Variants in C3orf49 observed in about 807,000 individuals in gnomAD.
C3orf49 encodes chromosome 3 open reading frame 49.
Under a neutral mutation model 13.3 loss-of-function variants are expected in C3orf49, and 27 were observed. The observed-to-expected ratio is 2.02, with a 90% CI of 1.49 to 2.79. The LOEUF (loss-of-function observed/expected upper bound fraction) is 2.79. Ranked by LOEUF, C3orf49 falls within the 30% of genes most tolerant of loss-of-function variation. The probability of loss-of-function intolerance (pLI) is 0.00; values close to 1 mark genes in which losing one functional copy is unlikely to be tolerated. For synonymous variants in C3orf49, 87 were observed against 47.6 expected (o/e 1.83, Z -3.40); for missense variants, 242 against 134.2 (o/e 1.80, Z -3.97).
At chr3:63,794,942 A>C in the C3orf49 span, among the ~76,000 whole-genome samples, 1 of 151,914 alleles carries the variant, frequency 6.6e-6, no homozygotes, top group South Asian at 2.1e-4. Flanking sequence ...CAAACCCCCC[A>C]CCTTTTCTGC....
At chr3:63,789,102 G>A in the C3orf49 span, among the ~76,000 whole-genome samples, 2 of 152,136 alleles carry the variant, frequency 1.3e-5, no homozygotes, top group Admixed American at 6.5e-5. Context: ...GATGGGCGGC[G>A]GGCGAGCGGG....
At chr3:63,814,746 C>T (rs949906467), upstream of C3orf49, among the ~76,000 whole-genome samples, 1 of 152,096 alleles carries the variant, frequency 6.6e-6, no homozygotes, top group African/African-American at 2.4e-5. Flanking sequence ...TTCCACTGTT[C>T]CCCCTTTAGT....
chr3:63,823,254 C>T lies in C3orf49; in HGVS notation c.130C>T (p.His44Tyr), dbSNP rs1218227206. Residue 44 changes from histidine to tyrosine, a missense_variant, in exon 2 of 7, where the codon CAT (histidine) becomes TAT (tyrosine). His to Tyr is a moderately conservative substitution (Grantham distance 83). Coordinates refer to ENST00000295896, the MANE Select transcript of C3orf49 (RefSeq NM_001355236.2). ...AACCATTTTTATTTTGTTTAGATGG[C>T]ATAGAGCTGTGTCTACCAACTTACT... ...SFKRKGIERW[H>Y]RAVSTNLLKQ... 1 of 700,754 alleles carries T rather than the reference C, an allele frequency of 1.4e-6. No individual in the cohort carries two copies. Among genetic ancestry groups the T allele is most frequent in the East Asian group, 2.7e-5 (1 of 37,260 alleles). The allele number at this position is 700,754 out of a possible 1,614,324, so 43.4% of individuals were successfully genotyped here.
chr3:63,786,520 A>G, the C3orf49 span, among the ~76,000 whole-genome samples: 36,571 of 152,082 alleles, frequency 0.24, 4,316 homozygotes, highest in East Asian at 0.3. Context: ...TGATGGAAAG[A>G]ATGGGCTTTT....
chr3:63,823,479 T>C lies in C3orf49; in HGVS notation c.355T>C (p.Ser119Pro). Residue 119 changes from serine (S) to proline (P), a missense_variant, in exon 2 of 7, where the codon TCA becomes CCA. By Grantham distance (74) the Ser-to-Pro change is moderately conservative. Coordinates refer to ENST00000295896, the MANE Select transcript of C3orf49 (RefSeq NM_001355236.2). ...GSTDHKEALL[S>P]NTQSLLPRIV... Reference sequence around the variant, plus strand: ...CACTGACCATAAAGAAGCCCTCCTGTCAAACACGCAGAGCCTTCTCCCTAG... The same window carrying C: ...CACTGACCATAAAGAAGCCCTCCTGCCAAACACGCAGAGCCTTCTCCCTAG... 1 of 703,098 alleles carries C rather than the reference T, an allele frequency of 1.4e-6. No individual in the cohort carries two copies. The highest frequency in any genetic ancestry group is 1.5e-5 in the South Asian group (1 of 67,600). The allele number at this position is 703,098 out of a possible 1,614,324, so 43.6% of individuals were successfully genotyped here.
the C3orf49 span, among the ~76,000 whole-genome samples, chr3:63,789,576 T>G: frequency 1.3e-5 from 2 of 151,940 alleles, no homozygotes; most frequent in Non-Finnish European, 2.9e-5. Context: ...TTTGGGAGGC[T>G]GAGGAGGGTG....
intron 6 of C3orf49, 115 bp downstream of exon 6, chr3:63,845,197 A>T (rs1575808672): frequency 2.1e-6 from 1 of 482,916 alleles, no homozygotes; most frequent in East Asian, 3.0e-5. Context: ...AAGCTCGCTG[A>T]TATCTTTGGC....
At chr3:63,796,548 G>T in the C3orf49 span, among the ~76,000 whole-genome samples, 1 of 152,036 alleles carries the variant, frequency 6.6e-6, no homozygotes, top group East Asian at 1.9e-4. Context: ...TTTCTTCCTC[G>T]GGGCCTTTGT....
the C3orf49 span, among the ~76,000 whole-genome samples, chr3:63,803,235 T>C: frequency 6.6e-6 from 1 of 152,182 alleles, no homozygotes; most frequent in Non-Finnish European, 1.5e-5. Context: ...TTCTTAATAT[T>C]TTCTATATTC....
chr3:63,822,464 A>G (rs1262813292), intron 1 of C3orf49, among the ~76,000 whole-genome samples: 3 of 152,238 alleles, frequency 2.0e-5, no homozygotes, highest in Non-Finnish European at 4.4e-5. Flanking sequence ...ACAGTGGTGA[A>G]CAACACAGAC....
chr3:63,825,540 A>G (rs1701455801), intron 2 of C3orf49, among the ~76,000 whole-genome samples: 2 of 152,178 alleles, frequency 1.3e-5, no homozygotes, highest in Admixed American at 1.3e-4. Context: ...TTCTACTCCT[A>G]ATCTGTGCAC....
chr3:63,845,526 C>G (rs964229530), intron 6 of C3orf49, among the ~76,000 whole-genome samples: 1 of 152,130 alleles, frequency 6.6e-6, no homozygotes, highest in Non-Finnish European at 1.5e-5. Context: ...TAAAGGTAAC[C>G]AACGGCAGTC....
the C3orf49 span, among the ~76,000 whole-genome samples, chr3:63,798,324 G>A: frequency 6.6e-6 from 1 of 152,180 alleles, no homozygotes; most frequent in East Asian, 1.9e-4. Flanking sequence ...AAGATTTAGA[G>A]CAAGATGGAC....
chr3:63,816,978 G>A (rs72499057), upstream of C3orf49, among the ~76,000 whole-genome samples: 161 of 151,908 alleles, frequency 1.1e-3, 4 homozygotes, highest in East Asian at 0.027. Flanking sequence ...GTTTCACCAC[G>A]TTAGGCAGGA....
At position 63,836,240 on chromosome 3, in the gene C3orf49, G is replaced by C. The variant is rs546070410; in HGVS notation, c.849+4396G>C. The C allele has an allele frequency of 1.3e-5, 19 of 1,491,474 alleles. No individual in the cohort carries two copies. The Admixed American group carries it at 1.7e-4, about 13-fold the overall frequency. 92.4% of individuals were successfully genotyped at this position (1,491,474 alleles called of 1,614,324 possible). A position where few individuals can be genotyped will look rare whatever the true frequency, so the allele number is the denominator to read the frequency against. On this transcript the variant is annotated intron_variant, in intron 5 of 6. Transcript: ENST00000295896. ...TTTCTGCAAAAATGAAATGCCTACGGTAGTTTTCGAGCATTTATGTATAAA... is the reference window on the plus strand; with the variant it reads ...TTTCTGCAAAAATGAAATGCCTACGCTAGTTTTCGAGCATTTATGTATAAA...
At chr3:63,803,852 C>A in the C3orf49 span, among the ~76,000 whole-genome samples, 1 of 152,108 alleles carries the variant, frequency 6.6e-6, no homozygotes, top group East Asian at 1.9e-4. Flanking sequence ...ATTATTATTA[C>A]ATTGTAATAT....
At chr3:63,844,088 T>C (rs74471915) in intron 5 of C3orf49, among the ~76,000 whole-genome samples, 2 of 152,230 alleles carry the variant, frequency 1.3e-5, no homozygotes, top group African/African-American at 4.8e-5. Context: ...CTAGGTGAAA[T>C]AAGGCAGGCA....
chr3:63,805,944 G>T, the C3orf49 span, among the ~76,000 whole-genome samples: 1 of 152,172 alleles, frequency 6.6e-6, no homozygotes, highest in Non-Finnish European at 1.5e-5. Context: ...ATTTGTTTTG[G>T]TTTTGTTTTT....
At chr3:63,841,953 G>T (rs1338441798) in intron 5 of C3orf49, among the ~76,000 whole-genome samples, 1 of 152,048 alleles carries the variant, frequency 6.6e-6, no homozygotes, top group African/African-American at 2.4e-5. Flanking sequence ...TACATGCCTG[G>T]ATCTCCAACT....
Sources: gnomAD v4.1 joint callset for allele counts (sites outside exome capture counted in the v4.1 genomes callset) on GRCh38, gnomAD v4.1.1 for gene constraint, MANE v1.5 for transcripts, NCBI Gene and HGNC (gene_info 2026-07-23, HGNC 2026-07-21) for gene names.